The following HSH2D variants were observed in gnomAD, a reference collection of about 807,000 sequenced individuals.
HSH2D encodes the protein hematopoietic SH2 domain containing.
HSH2D carries 16 observed loss-of-function variants against 21.5 expected under a neutral mutation model. The ratio of observed to expected loss-of-function variants is 0.74; its 90% CI spans 0.50 to 1.13. The LOEUF is 1.13. HSH2D is among the 50% of genes most tolerant of loss of function. The pLI is 0.00. For synonymous variants in HSH2D, 172 were observed against 184.7 expected (o/e 0.93, Z 0.56); for missense variants, 418 against 441.4 (o/e 0.95, Z 0.47).
chr19:16,138,540 C>A (rs1321124447), intron 1 of HSH2D, among the ~76,000 whole-genome samples: 1 of 152,002 alleles, frequency 6.6e-6, no homozygotes, highest in Non-Finnish European at 1.5e-5. Context: ...TCACTGCACC[C>A]TCCGCCTCCC....
upstream of HSH2D, among the ~76,000 whole-genome samples, chr19:16,141,390 G>T (rs1048231442): frequency 2.0e-5 from 3 of 152,344 alleles, no homozygotes; most frequent in East Asian, 5.8e-4. Context: ...GGCCCTTTCT[G>T]CCTGAAAGGA....
At chr19:16,153,742 C>T (rs1408178585) in intron 4 of HSH2D, among the ~76,000 whole-genome samples, 2 of 151,616 alleles carry the variant, frequency 1.3e-5, no homozygotes, top group Non-Finnish European at 2.9e-5. Context: ...TCCCAATAAA[C>T]TGCTGTGGGC....
chr19:16,155,619 C>CTTTTTTTTTTTTTTTT (rs35262744), intron 5 of HSH2D: 8 of 114,178 alleles, frequency 7.0e-5, no homozygotes, highest in African/African-American at 2.3e-4. Context: ...CATGGGAGGA[C>CTTTTTTTTTTTTTTTT]TTTTTTTTTT....
upstream of HSH2D, among the ~76,000 whole-genome samples, chr19:16,142,449 T>C (rs1232940553): frequency 6.6e-6 from 1 of 152,136 alleles, no homozygotes; most frequent in Non-Finnish European, 1.5e-5. Context: ...TTTGTTTTGT[T>C]TTGTTTGGTT....
At chr19:16,155,276 C>CA (rs2091222800) in intron 5 of HSH2D, among the ~76,000 whole-genome samples, 1 of 151,136 alleles carries the variant, frequency 6.6e-6, no homozygotes, top group African/African-American at 2.4e-5. Context: ...GTGGGGGGTG[C>CA]AAGTGGGGGA....
At chr19:16,156,244 G>A (rs2091235179) in intron 5 of HSH2D, among the ~76,000 whole-genome samples, 4 of 152,062 alleles carry the variant, frequency 2.6e-5, no homozygotes, top group Admixed American at 2.6e-4. Flanking sequence ...CAGCTACTCT[G>A]GGGGCTGAGG....
intron 2 of HSH2D, 87 bp downstream of exon 2, chr19:16,148,962 C>G: frequency 7.1e-7 from 1 of 1,404,982 alleles, no homozygotes. Flanking sequence ...CTGCAGAATT[C>G]TGGACTTGGC....
chr19:16,135,266 C>T (rs191353576), intron 1 of HSH2D, among the ~76,000 whole-genome samples: 178 of 151,214 alleles, frequency 1.2e-3, no homozygotes, highest in African/African-American at 4.0e-3. Context: ...AGCAAGACTC[C>T]GTCTCAAAAA....
chr19:16,157,159 T>C lies in HSH2D; in HGVS notation c.475-51T>C. The C allele has an allele frequency of 6.9e-7, 1 of 1,440,814 alleles. No homozygotes were observed. The highest frequency in any genetic ancestry group is 9.3e-7 in the Non-Finnish European group (1 of 1,070,326). The allele number at this position is 1,440,814 out of a possible 1,614,324, so 89.3% of individuals were successfully genotyped here. On this transcript the variant is annotated intron_variant, in intron 5 of 5. Coordinates refer to ENST00000613986, the MANE Select transcript of HSH2D (RefSeq NM_001382417.1). This position sits in a 1 kb window ranked among gnomAD's most constrained non-coding sequence, Gnocchi z 4.4. ...CAGGCTCCAATTTCTGGGACAGACA[T>C]GGTGCTCTGGTGGGCAAGCTGCCCC...
chr19:16,152,454 A>G (rs1232455229), intron 2 of HSH2D, 98 bp from the exon 3 acceptor site: 10 of 628,594 alleles, frequency 1.6e-5, no homozygotes, highest in East Asian at 1.3e-4. Context: ...AATGAAAACT[A>G]CCAGCCTTCT....
chr19:16,140,511 A>C (rs1461891146), upstream of HSH2D, among the ~76,000 whole-genome samples: 1 of 151,914 alleles, frequency 6.6e-6, no homozygotes, highest in Non-Finnish European at 1.5e-5. Flanking sequence ...AGACTGAGGC[A>C]GGAGAATCGC....
intron 2 of HSH2D, among the ~76,000 whole-genome samples, chr19:16,149,666 AG>A (rs2091122034): frequency 6.7e-6 from 1 of 149,388 alleles, no homozygotes; most frequent in East Asian, 2.0e-4. Flanking sequence ...GGCTCACTGC[AG>A]CCTCTATCTC....
At chr19:16,148,095 A>G (rs1274120304) in intron 1 of HSH2D, among the ~76,000 whole-genome samples, 2 of 152,164 alleles carry the variant, frequency 1.3e-5, no homozygotes, top group African/African-American at 2.4e-5. Context: ...AGTAGCTGGG[A>G]CTACAGGCAT....
Position 16,153,130 on chromosome 19 carries a change from G to T in HSH2D, c.303G>T (p.Ser101=). ...CCGGGGAGAAGGTGGCCCACACCTCGCTGGACGCCCTGGTCACCTTCCACC... is the reference window on the plus strand; with the variant it reads ...CCGGGGAGAAGGTGGCCCACACCTCTCTGGACGCCCTGGTCACCTTCCACC... ...MIPGEKVAHT[S]LDALVTFHQQ... The change falls in exon 4 of 6, where the codon TCG becomes TCT. Residue 101 remains serine, a synonymous_variant. Transcript: ENST00000613986. 1 of 1,596,764 alleles carries T rather than the reference G, an allele frequency of 6.3e-7. No individual in the cohort carries two copies. The highest frequency in any genetic ancestry group is 1.3e-5 in the African/African-American group (1 of 74,760).
intron 1 of HSH2D, among the ~76,000 whole-genome samples, chr19:16,138,112 C>T (rs2090976360): frequency 6.6e-6 from 1 of 152,144 alleles, no homozygotes; most frequent in Non-Finnish European, 1.5e-5. Context: ...AGGTGATCCA[C>T]CCACCTTGGC....
upstream of HSH2D, chr19:16,139,607 T>A (rs920009442): frequency 6.6e-6 from 1 of 152,142 alleles, no homozygotes; most frequent in Non-Finnish European, 1.5e-5. Flanking sequence ...AAACCCAGTG[T>A]TGGCAGAGCC....
At chr19:16,154,357 C>A in intron 4 of HSH2D, 42 bp from the exon 5 acceptor site, 2 of 1,395,914 alleles carry the variant, frequency 1.4e-6, no homozygotes, top group Non-Finnish European at 2.0e-6. Context: ...AGGACCTTTC[C>A]CCCTCCCTAG....
intron 1 of HSH2D, among the ~76,000 whole-genome samples, chr19:16,144,112 T>C (rs963304901): frequency 6.6e-6 from 1 of 151,772 alleles, no homozygotes; most frequent in Non-Finnish European, 1.5e-5. Flanking sequence ...GAGCATGCGG[T>C]CTTTCATCAC....
intron 2 of HSH2D, among the ~76,000 whole-genome samples, chr19:16,149,419 T>C (rs749737369): frequency 1.6e-4 from 24 of 152,040 alleles, no homozygotes; most frequent in Admixed American, 1.3e-4. Context: ...GCCAGGCTGG[T>C]CTCAAACTCC....
Sources: allele counts gnomAD v4.1 joint callset (sites outside exome capture counted in the v4.1 genomes callset), GRCh38; gene constraint gnomAD v4.1.1; non-coding constraint Gnocchi (gnomAD v3.1); transcripts MANE v1.5; gene names NCBI Gene and HGNC (gene_info 2026-07-23, HGNC 2026-07-21).